IGF1R: variants seen among roughly 807,000 people sequenced by gnomAD.
IGF1R encodes the protein insulin-like growth factor 1 receptor.
A neutral mutation model predicts 144.6 loss-of-function variants in IGF1R; 44 were observed. That is an observed-to-expected ratio of 0.30 (90% CI 0.24 to 0.39). The LOEUF (loss-of-function observed/expected upper bound fraction) is 0.39. IGF1R is among the 10% of genes least tolerant of loss of function. The pLI is 1.00. For missense variants in IGF1R, 1,355 were observed against 1,833.7 expected, an observed-to-expected ratio of 0.74 and a Z score of 4.77; for synonymous variants, 795 against 722.8, an observed-to-expected ratio of 1.10 and a Z score of -1.60.
intron 2 of IGF1R, among the ~76,000 whole-genome samples, chr15:98,783,359 A>G (rs1026179987): frequency 3.9e-5 from 6 of 152,310 alleles, no homozygotes; most frequent in African/African-American, 9.6e-5. Context: ...TGTTCTCTCT[A>G]TATAAAATTT....
At chr15:98,831,833 G>C (rs948486167) in intron 2 of IGF1R, among the ~76,000 whole-genome samples, 4 of 152,182 alleles carry the variant, frequency 2.6e-5, no homozygotes, top group Non-Finnish European at 5.9e-5. Flanking sequence ...GAAAAAGTCT[G>C]TCTGGGTATG....
chr15:98,680,120 C>A (rs998898044), intron 1 of IGF1R, among the ~76,000 whole-genome samples: 1 of 151,974 alleles, frequency 6.6e-6, no homozygotes, highest in African/African-American at 2.4e-5. Context: ...TTTAGTGAGG[C>A]CTAGGTATAC....
intron 2 of IGF1R, among the ~76,000 whole-genome samples, chr15:98,859,843 TCTGTA>T (rs765022805): frequency 3.9e-5 from 6 of 152,228 alleles, no homozygotes; most frequent in Non-Finnish European, 7.3e-5. Flanking sequence ...CTGTTGGTCT[TCTGTA>T]CTGTATATTT....
intron 2 of IGF1R, among the ~76,000 whole-genome samples, chr15:98,798,633 A>G (rs2056298171): frequency 6.6e-6 from 1 of 152,172 alleles, no homozygotes; most frequent in African/African-American, 2.4e-5. Flanking sequence ...AGCACCAGCA[A>G]GACTGTCTGG....
At chr15:98,851,411 C>T (rs550065322) in intron 2 of IGF1R, among the ~76,000 whole-genome samples, 1 of 152,326 alleles carries the variant, frequency 6.6e-6, no homozygotes, top group African/African-American at 2.4e-5. Flanking sequence ...GACAACGTGA[C>T]TTACCATCAG....
chr15:98,899,236 T>G (rs554824880), intron 4 of IGF1R, among the ~76,000 whole-genome samples: 26 of 152,228 alleles, frequency 1.7e-4, no homozygotes, highest in Non-Finnish European at 3.4e-4. Context: ...GCTTGGGAGC[T>G]GCAGTACCCC....
chr15:98,808,644 A>T (rs2056517355), intron 2 of IGF1R, among the ~76,000 whole-genome samples: 1 of 151,286 alleles, frequency 6.6e-6, no homozygotes, highest in Non-Finnish European at 1.5e-5. Context: ...AGGTCCTCGC[A>T]GGGACTCTAG....
chr15:98,706,925 A>G (rs1682134180), intron 1 of IGF1R, among the ~76,000 whole-genome samples: 2 of 71,972 alleles, frequency 2.8e-5, no homozygotes, highest in Admixed American at 2.8e-4. Context: ...TTATTCATAA[A>G]AAAATCACGT....
At chr15:98,747,550 A>G (rs949782237) in intron 2 of IGF1R, among the ~76,000 whole-genome samples, 1 of 152,198 alleles carries the variant, frequency 6.6e-6, no homozygotes, top group Non-Finnish European at 1.5e-5. Context: ...TTAATTGAAT[A>G]TAGGTTATTT....
chr15:98,746,872 T>C (rs766043391), intron 2 of IGF1R, among the ~76,000 whole-genome samples: 9 of 152,204 alleles, frequency 5.9e-5, no homozygotes, highest in African/African-American at 9.6e-5. Flanking sequence ...ACTTGAATGG[T>C]GTCAGTAATT....
rs536042493 is a variant in IGF1R at position 98,954,602 on chromosome 15, T to G, written c.3723-2459T>G. 2.6e-5 allele frequency among the ~76,000 whole-genome samples: 4 copies of G among 152,246 alleles called. No individual in the cohort carries two copies. The East Asian group carries it at 7.7e-4, about 29-fold the overall frequency. On this transcript the variant is annotated intron_variant, in intron 20 of 20. Transcript: ENST00000650285. ...TAAAAGAGGCGTCACATGGCTTGTTTGTGCTGATGTCACTGCCTCGCTGCT... is the reference window on the plus strand; with the variant it reads ...TAAAAGAGGCGTCACATGGCTTGTTGGTGCTGATGTCACTGCCTCGCTGCT...
chr15:98,730,507 G>A (rs982249536), intron 2 of IGF1R, among the ~76,000 whole-genome samples: 3 of 152,098 alleles, frequency 2.0e-5, no homozygotes, highest in African/African-American at 7.2e-5. Flanking sequence ...TGACTCTGTT[G>A]GCTCTCAGCT....
chr15:98,764,167 A>T (rs559375238), intron 2 of IGF1R, among the ~76,000 whole-genome samples: 1 of 152,204 alleles, frequency 6.6e-6, no homozygotes, highest in African/African-American at 2.4e-5. Flanking sequence ...TTAGCTTTTC[A>T]TTACTTAGTA....
intron 17 of IGF1R, 23 bp from the exon 18 acceptor site, chr15:98,939,178 G>A (rs1355078612): frequency 6.2e-7 from 1 of 1,610,616 alleles, no homozygotes. Context: ...ATTCTCATGT[G>A]AATTTTTTTA....
At chr15:98,712,082 G>T (rs1029922914) in intron 2 of IGF1R, among the ~76,000 whole-genome samples, 3 of 152,146 alleles carry the variant, frequency 2.0e-5, no homozygotes, top group Non-Finnish European at 2.9e-5. Flanking sequence ...TAAGAATTTT[G>T]AGGGGACATA....
At chr15:98,783,601 T>C (rs1452087505) in intron 2 of IGF1R, among the ~76,000 whole-genome samples, 1 of 152,240 alleles carries the variant, frequency 6.6e-6, no homozygotes, top group Admixed American at 6.5e-5. Context: ...TAGCATTTTG[T>C]AGTTTTTGTA....
rs556672601 is a variant in IGF1R, at chr15:98,759,926, T to C, written c.640+51819T>C. Among the ~76,000 whole-genome samples, 10 of 152,338 alleles carry C rather than the reference T, an allele frequency of 6.6e-5. No homozygotes were observed. The South Asian group carries it at 8.3e-4, about 13-fold the overall frequency. On this transcript the variant is annotated intron_variant, in intron 2 of 20. Transcript: ENST00000650285. The stretch of plus-strand genomic sequence containing the variant: ...GCCTGTCCCGTGGTACCGTGAGACT[T>C]CTAATTCAAGATGACCAGTATTTGC...
intron 1 of IGF1R, among the ~76,000 whole-genome samples, chr15:98,667,894 AGGT>A (rs1421326687): frequency 2.6e-5 from 4 of 151,800 alleles, no homozygotes; most frequent in Admixed American, 2.0e-4. Flanking sequence ...GTCAGGCAGG[AGGT>A]GGTGTCAGAT....
chr15:98,924,626 ATC>A lies in IGF1R; in HGVS notation c.2732_2733del (p.Ser911TrpfsTer20), dbSNP rs2151694644. 1 of 1,614,172 alleles carries A rather than the reference ATC, an allele frequency of 6.2e-7. No homozygotes were observed. The highest frequency in any genetic ancestry group is 8.5e-7 in the Non-Finnish European group (1 of 1,180,014). On this transcript the variant is annotated frameshift_variant, in exon 13 of 21. Transcript: ENST00000650285. LOFTEE classifies it high-confidence loss of function. Reference sequence around the variant, plus strand: ...ACTACACAGCCCGGATTCAGGCCACATCTCTCTCTGGGAATGGGTCGTGGACA... The same window carrying A: ...ACTACACAGCCCGGATTCAGGCCACATCTCTCTGGGAATGGGTCGTGGACA... ...GNYTARIQAT[S>X]LSGNGSWTDP... is the part of the protein sequence containing the mutation.
Sources: gnomAD v4.1 joint callset for allele counts (sites outside exome capture counted in the v4.1 genomes callset) on GRCh38, gnomAD v4.1.1 for gene constraint, MANE v1.5 for transcripts, NCBI Gene and HGNC (gene_info 2026-07-23, HGNC 2026-07-21) for gene names.